LONP2: variants seen among roughly 807,000 people sequenced by gnomAD.
LONP2 encodes lon peptidase 2, peroxisomal.
LONP2 carries 60 observed loss-of-function variants against 85.6 expected under a neutral mutation model. The ratio of observed to expected loss-of-function variants is 0.70; its 90% confidence interval spans 0.57 to 0.87. LONP2 has a LOEUF of 0.87. LONP2 is among the 40% of genes least tolerant of loss of function. The pLI is 0.00. For synonymous variants in LONP2, 395 were observed against 389.7 expected (o/e 1.01, Z -0.16); for missense variants, 860 against 1,063.5 (o/e 0.81, Z 2.66).
At chr16:48,269,879 C>T (rs941377929) in intron 6 of LONP2, 137 bp from the exon 7 acceptor site, 2 of 868,590 alleles carry the variant, frequency 2.3e-6, no homozygotes, top group African/African-American at 1.7e-5. Flanking sequence ...TCCTAGAATC[C>T]TCATCTAGAA....
At chr16:48,315,829 T>TG (rs1973128773) in intron 11 of LONP2, among the ~76,000 whole-genome samples, 1 of 152,070 alleles carries the variant, frequency 6.6e-6, no homozygotes, top group Non-Finnish European at 1.5e-5. Context: ...TCTATTTTTT[T>TG]TTTGTTTGTT....
chr16:48,312,093 A>G (rs1745056008), intron 11 of LONP2, among the ~76,000 whole-genome samples: 1 of 151,654 alleles, frequency 6.6e-6, no homozygotes, highest in Admixed American at 6.6e-5. Context: ...AGCGTGCGTT[A>G]CCATGCCTGG....
At position 48,270,088 on chromosome 16, in the gene LONP2, G is replaced by A. The variant is rs1363843539; in HGVS notation, c.1055G>A (p.Arg352Lys). 6 of 1,614,016 alleles carry A rather than the reference G, an allele frequency of 3.7e-6. No homozygotes were observed. The highest frequency in any genetic ancestry group is 5.1e-6 in the Non-Finnish European group (6 of 1,179,958). ...DHYAMEKLKK[R>K]VLEYLAVRQL... ...TACGCCATGGAAAAATTGAAGAAAA[G>A]AGTACTGGAATACTTGGCTGTCAGA... Residue 352 changes from arginine (R) to lysine (K), a missense_variant, in exon 7 of 15, where the codon AGA (arginine) becomes AAA (lysine). Transcript: ENST00000285737.
At chr16:48,303,736 A>G (rs913403952) in intron 11 of LONP2, among the ~76,000 whole-genome samples, 3 of 152,212 alleles carry the variant, frequency 2.0e-5, no homozygotes, top group Non-Finnish European at 2.9e-5. Flanking sequence ...TACAGCCTTC[A>G]GTCTGTGGCC....
At chr16:48,306,334 CTAA>C (rs1172680877) in intron 11 of LONP2, among the ~76,000 whole-genome samples, 1 of 152,138 alleles carries the variant, frequency 6.6e-6, no homozygotes, top group Non-Finnish European at 1.5e-5. Flanking sequence ...TAGCATACTT[CTAA>C]TAATATCTTT....
intron 6 of LONP2, among the ~76,000 whole-genome samples, chr16:48,266,117 C>T (rs1971983728): frequency 6.6e-6 from 1 of 152,238 alleles, no homozygotes; most frequent in South Asian, 2.1e-4. Flanking sequence ...GATTCTCCTG[C>T]CTCAGCCTCA....
chr16:48,340,209 C>G lies in LONP2; in HGVS notation c.1938+5851C>G, dbSNP rs746601990. Among the ~76,000 whole-genome samples the G allele has an allele frequency of 2.0e-5, 3 of 152,306 alleles. No individual in the cohort carries two copies. The South Asian group carries it at 6.2e-4, about 32-fold the overall frequency. On this transcript the variant is annotated intron_variant, in intron 12 of 14. Coordinates refer to ENST00000285737, the MANE Select transcript of LONP2 (RefSeq NM_031490.5). ...CTGAAAGTTGCAAGGCAGCCTCTTA[C>G]TGACTAAATTTTAAACTTAGTCTCT...
In LONP2 at chr16:48,356,353, A is replaced by T. The variant is rs1042115243; in HGVS notation, c.*4551A>T. The stretch of plus-strand genomic sequence containing the variant: ...GGGACATTTTGCTACAAAGAATGTT[A>T]GTTTTGCCAATTCCCTTTCCAAATC... On this transcript the variant is annotated 3_prime_UTR_variant, in exon 15 of 15. Transcript: ENST00000285737. 1.3e-5 allele frequency: 2 copies of T among 153,386 alleles called. No homozygotes were observed. Among genetic ancestry groups the T allele is most frequent in the African/African-American group, 4.8e-5 (2 of 41,456 alleles). 9.5% of individuals were successfully genotyped at this position (153,386 alleles called of 1,614,324 possible).
chr16:48,347,692 AAAG>A lies in LONP2; in HGVS notation c.2128_2130del (p.Lys710del), dbSNP rs1452178320. The A allele has an allele frequency of 4.3e-6, 7 of 1,613,730 alleles. No individual in the cohort carries two copies. The highest frequency in any genetic ancestry group is 2.2e-5 in the East Asian group (1 of 44,880). ...CTATCAGCTGGCTCCGCAGCAACGC[AAAG>A]AAGTACCAGCTGACCAATGGTAGGA... On this transcript the variant is annotated inframe_deletion, in exon 13 of 15. Transcript: ENST00000285737.
At position 48,347,497 on chromosome 16, in the gene LONP2, T is replaced by A. The variant is rs1390817276; in HGVS notation, c.1939-10T>A. Reference sequence around the variant, plus strand: ...GCCAACCCAACTCTGATCATTCTTCTTCTTTCAAGGTATCTCAGCGTTTGA... The same window carrying A: ...GCCAACCCAACTCTGATCATTCTTCATCTTTCAAGGTATCTCAGCGTTTGA... On this transcript the variant is annotated splice_polypyrimidine_tract_variant and intron_variant, in intron 12 of 14. Transcript: ENST00000285737. 1.9e-6 allele frequency: 3 copies of A among 1,614,054 alleles called. No homozygotes were observed. The highest frequency in any genetic ancestry group is 1.7e-5 in the Admixed American group (1 of 60,008).
intron 1 of LONP2, among the ~76,000 whole-genome samples, chr16:48,250,314 CTACAAAAAA>C (rs1157107192): frequency 1.3e-5 from 2 of 150,600 alleles, no homozygotes; most frequent in Non-Finnish European, 1.5e-5. Context: ...AACCTCATCT[CTACAAAAAA>C]TACAAAAAAT....
chr16:48,299,549 T>C lies in LONP2; in HGVS notation c.1535-113T>C, dbSNP rs574941939. On this transcript the variant is annotated intron_variant, in intron 9 of 14. Coordinates refer to ENST00000285737, the MANE Select transcript of LONP2 (RefSeq NM_031490.5). ...GTGAGCCGAGATCACGCCACTGCACTGCAGCCTGGGCGACAGAGCAAGACT... is the reference window on the plus strand; with the variant it reads ...GTGAGCCGAGATCACGCCACTGCACCGCAGCCTGGGCGACAGAGCAAGACT... 1.1e-4 allele frequency: 128 copies of C among 1,169,206 alleles called. 1 individual carries two copies. The South Asian group carries it at 2.0e-3, about 18-fold the overall frequency. The allele number at this position is 1,169,206 out of a possible 1,614,324, so 72.4% of individuals were successfully genotyped here.
chr16:48,244,319 T>A lies in LONP2; in HGVS notation c.-70T>A. ...GGAGGCGGGTCTGAGGTTTGGTGAC[T>A]GCGGGGCAGGCCGGGGGCAGCTGTC... On this transcript the variant is annotated 5_prime_UTR_variant, in exon 1 of 15. Transcript: ENST00000285737. 1 of 1,215,008 alleles carries A rather than the reference T, an allele frequency of 8.2e-7. No individual in the cohort carries two copies. Among genetic ancestry groups the A allele is most frequent in the Non-Finnish European group, 1.1e-6 (1 of 903,004 alleles). The allele number at this position is 1,215,008 out of a possible 1,614,324, so 75.3% of individuals were successfully genotyped here.
intron 1 of LONP2, among the ~76,000 whole-genome samples, chr16:48,250,508 AACTCTTT>A (rs1971614445): frequency 6.6e-6 from 1 of 151,470 alleles, no homozygotes; most frequent in African/African-American, 2.4e-5. Flanking sequence ...AACAAAAAAC[AACTCTTT>A]AGCATCACCT....
chr16:48,267,150 T>C (rs1972006945), intron 6 of LONP2, among the ~76,000 whole-genome samples: 1 of 152,150 alleles, frequency 6.6e-6, no homozygotes, highest in African/African-American at 2.4e-5. Context: ...ATCATGAAAA[T>C]AATTCCATTG....
chr16:48,359,845 CAGT>C (rs1210961967), downstream of LONP2, among the ~76,000 whole-genome samples: 5 of 152,218 alleles, frequency 3.3e-5, no homozygotes, highest in Non-Finnish European at 4.4e-5. Context: ...TATCCAGAAT[CAGT>C]GGTGGGATAA....
chr16:48,357,555 G>A (rs962146285), downstream of LONP2, among the ~76,000 whole-genome samples: 6 of 152,116 alleles, frequency 3.9e-5, no homozygotes, highest in African/African-American at 1.2e-4. Context: ...GTCGAGTTTC[G>A]ACATTACTTT....
chr16:48,265,085 T>G (rs1307311846), intron 6 of LONP2, among the ~76,000 whole-genome samples: 2 of 152,220 alleles, frequency 1.3e-5, no homozygotes, highest in Non-Finnish European at 2.9e-5. Flanking sequence ...GCCGTTAAGT[T>G]TCATGAGTTC....
Position 48,299,706 on chromosome 16 carries a change from A to G in LONP2, c.1579A>G (p.Ile527Val), listed in dbSNP as rs1567330101. Residue 527 changes from isoleucine (I) to valine (V), a missense_variant, in exon 10 of 15, where the codon ATC becomes GTC. Around this residue, in one of 3 missense-constraint regions of LONP2, gnomAD observed 743 missense variants for 917.3 expected, o/e 0.81. Transcript: ENST00000285737. ...EKIEIAHRHL[I>V]PKQLEQHGLT... ...GATAGAGATTGCCCATAGGCACTTG[A>G]TCCCCAAGCAGCTGGAACAACATGG... 6.2e-7 allele frequency: 1 copy of G among 1,613,990 alleles called. No homozygotes were observed. Among genetic ancestry groups the G allele is most frequent in the Non-Finnish European group, 8.5e-7 (1 of 1,179,912 alleles).
Sources: gnomAD v4.1 joint callset for allele counts (sites outside exome capture counted in the v4.1 genomes callset) on GRCh38, gnomAD v4.1.1 for gene constraint, gnomAD v4.1.1 regional missense constraint, MANE v1.5 for transcripts, NCBI Gene and HGNC (gene_info 2026-07-23, HGNC 2026-07-21) for gene names.